The following PDZRN4 variants were observed in gnomAD, a reference collection of about 807,000 sequenced individuals.
PDZRN4 encodes the protein PDZ domain-containing RING finger protein 4.
Under a neutral mutation model 99.0 loss-of-function variants are expected in PDZRN4, and 70 were observed. The observed-to-expected ratio is 0.71, with a 90% CI of 0.58 to 0.86. The LOEUF is 0.86. Ranked by LOEUF, PDZRN4 falls within the 40% of genes least tolerant of loss-of-function variation. The probability of loss-of-function intolerance (pLI) is 0.00; values close to 1 mark genes in which losing one functional copy is unlikely to be tolerated. For synonymous variants in PDZRN4, 551 were observed against 501.6 expected, an observed-to-expected ratio of 1.10 and a Z score of -1.32; for missense variants, 1,474 against 1,331.2, an observed-to-expected ratio of 1.11 and a Z score of -1.67.
intron 3 of PDZRN4, among the ~76,000 whole-genome samples, chr12:41,333,743 T>C (rs1311662839): frequency 6.6e-6 from 1 of 152,142 alleles, no homozygotes; most frequent in Non-Finnish European, 1.5e-5. Context: ...GAGCATTAAC[T>C]GTTTCCAAAT....
At chr12:41,442,388 C>T (rs1450635235) in intron 3 of PDZRN4, among the ~76,000 whole-genome samples, 2 of 152,062 alleles carry the variant, frequency 1.3e-5, no homozygotes, top group Non-Finnish European at 2.9e-5. Flanking sequence ...TAATCTCTCC[C>T]ACCTTCGGAC....
At chr12:41,446,407 A>G (rs1340580583) in intron 3 of PDZRN4, among the ~76,000 whole-genome samples, 3 of 152,010 alleles carry the variant, frequency 2.0e-5, no homozygotes, top group African/African-American at 7.2e-5. Context: ...AGGAACAAAG[A>G]GAATTTCCAA....
chr12:41,511,665 A>G (rs117963684), intron 5 of PDZRN4, among the ~76,000 whole-genome samples: 3,614 of 152,254 alleles, frequency 0.024, 73 homozygotes, highest in Non-Finnish European at 0.037. Context: ...CTCCAGAGAA[A>G]TTTACCAGAT....
At chr12:41,217,526 G>C (rs1319014244) in intron 3 of PDZRN4, among the ~76,000 whole-genome samples, 1 of 152,044 alleles carries the variant, frequency 6.6e-6, no homozygotes, top group East Asian at 1.9e-4. Flanking sequence ...AGGTTTCAGA[G>C]ATCCAATTAG....
At chr12:41,210,694 A>G (rs1950882540) in intron 3 of PDZRN4, among the ~76,000 whole-genome samples, 1 of 152,016 alleles carries the variant, frequency 6.6e-6, no homozygotes, top group Non-Finnish European at 1.5e-5. Context: ...AATCTTGGAA[A>G]TTTTGAAAGC....
At chr12:41,502,728 C>T (rs566509143) in intron 3 of PDZRN4, among the ~76,000 whole-genome samples, 5 of 151,816 alleles carry the variant, frequency 3.3e-5, no homozygotes, top group South Asian at 4.2e-4. Context: ...ATATGTCATC[C>T]GTACAAGACT....
chr12:41,536,973 C>T (rs777348637), intron 5 of PDZRN4, among the ~76,000 whole-genome samples: 17 of 152,134 alleles, frequency 1.1e-4, no homozygotes, highest in Non-Finnish European at 2.2e-4. Context: ...TTGAGTCATA[C>T]TCCTTGAATC....
intron 3 of PDZRN4, among the ~76,000 whole-genome samples, chr12:41,405,407 A>T (rs1423196589): frequency 6.6e-6 from 1 of 152,188 alleles, no homozygotes; most frequent in African/African-American, 2.4e-5. Context: ...ATGCCATCTC[A>T]CTCCAGTCAG....
At chr12:41,396,937 A>T (rs1668854556) in intron 3 of PDZRN4, among the ~76,000 whole-genome samples, 1 of 152,168 alleles carries the variant, frequency 6.6e-6, no homozygotes, top group African/African-American at 2.4e-5. Context: ...AGTGAATTTT[A>T]AAGTCACTCT....
At chr12:41,409,056 A>C (rs1952372263) in intron 3 of PDZRN4, among the ~76,000 whole-genome samples, 1 of 152,196 alleles carries the variant, frequency 6.6e-6, no homozygotes. Flanking sequence ...TGCATTTTAA[A>C]AGAGGAGATT....
At chr12:41,273,734 G>C (rs893281457) in intron 3 of PDZRN4, among the ~76,000 whole-genome samples, 3 of 151,986 alleles carry the variant, frequency 2.0e-5, no homozygotes, top group African/African-American at 7.2e-5. Context: ...ATTTTTAATT[G>C]ATAAAATATG....
intron 2 of PDZRN4, among the ~76,000 whole-genome samples, chr12:41,193,255 C>G (rs556321591): frequency 6.6e-6 from 1 of 152,030 alleles, no homozygotes; most frequent in South Asian, 2.1e-4. Flanking sequence ...TAGATGACAT[C>G]GGGCCTTTTT....
intron 3 of PDZRN4, among the ~76,000 whole-genome samples, chr12:41,485,667 AT>A (rs2120612805): frequency 6.6e-6 from 1 of 152,336 alleles, no homozygotes; most frequent in South Asian, 2.1e-4. Flanking sequence ...AGCATTTTGG[AT>A]TTAAAAATCT....
At chr12:41,425,382 T>C (rs1384251548) in intron 3 of PDZRN4, among the ~76,000 whole-genome samples, 1 of 151,554 alleles carries the variant, frequency 6.6e-6, no homozygotes, top group Non-Finnish European at 1.5e-5. Flanking sequence ...CAGCCCTTCC[T>C]ACACACTGGG....
chr12:41,240,322 G>A (rs891383080), intron 3 of PDZRN4, among the ~76,000 whole-genome samples: 16 of 152,178 alleles, frequency 1.1e-4, no homozygotes, highest in Admixed American at 4.6e-4. Context: ...ATTCCCATAT[G>A]TGCATCTAAG....
intron 3 of PDZRN4, among the ~76,000 whole-genome samples, chr12:41,478,417 G>A (rs1387542987): frequency 6.6e-6 from 1 of 152,102 alleles, no homozygotes; most frequent in Non-Finnish European, 1.5e-5. Context: ...CACCCAGCCT[G>A]TAAAATTAAA....
intron 3 of PDZRN4, among the ~76,000 whole-genome samples, chr12:41,385,793 G>A (rs1952165929): frequency 4.6e-5 from 7 of 152,104 alleles, no homozygotes; most frequent in Admixed American, 4.6e-4. Context: ...GAGGAGGAAG[G>A]ACTCCTCCCT....
chr12:41,229,037 A>G (rs1378726116), intron 3 of PDZRN4, among the ~76,000 whole-genome samples: 1 of 151,818 alleles, frequency 6.6e-6, no homozygotes, highest in African/African-American at 2.4e-5. Context: ...AAGTAAACCT[A>G]TGACCTCAAT....
chr12:41,350,151 C>T (rs187314253), intron 3 of PDZRN4, among the ~76,000 whole-genome samples: 3 of 152,122 alleles, frequency 2.0e-5, no homozygotes, highest in Admixed American at 1.3e-4. Flanking sequence ...GTGACAGGTA[C>T]TGTGTTCAAT....
Sources: gnomAD v4.1 joint callset for allele counts (sites outside exome capture counted in the v4.1 genomes callset) on GRCh38, gnomAD v4.1.1 for gene constraint, MANE v1.5 for transcripts, NCBI Gene and HGNC (gene_info 2026-07-23, HGNC 2026-07-21) for gene names.